MYO16: variants seen among roughly 807,000 people sequenced by gnomAD.
The protein encoded by MYO16 is myosin XVI.
In MYO16, 94 loss-of-function variants were observed where a neutral mutation model predicts 205.3. That is an observed-to-expected ratio of 0.46 (90% CI 0.39 to 0.54). The LOEUF is 0.54. Among genes scored for constraint, MYO16 ranks in the 20% least tolerant of loss-of-function variants. The pLI, the probability that MYO16 is intolerant of heterozygous loss-of-function variation, is 0.00. For synonymous variants in MYO16, 988 were observed against 954.0 expected (o/e 1.04, Z -0.66); for missense variants, 2,315 against 2,387.5 (o/e 0.97, Z 0.63).
intron 4 of MYO16, among the ~76,000 whole-genome samples, chr13:108,765,106 C>A (rs980276998): frequency 3.3e-5 from 5 of 152,144 alleles, no homozygotes; most frequent in Non-Finnish European, 7.4e-5. Context: ...TCTCCCTCTT[C>A]CACACACATA....
chr13:109,177,779 G>A (rs1879275198), intron 33 of MYO16, among the ~76,000 whole-genome samples: 1 of 152,162 alleles, frequency 6.6e-6, no homozygotes, highest in Admixed American at 6.5e-5. Context: ...GCCTCCCAAA[G>A]TACTGGGATT....
At chr13:108,658,282 C>T (rs1327406459) in intron 1 of MYO16, among the ~76,000 whole-genome samples, 1 of 152,018 alleles carries the variant, frequency 6.6e-6, no homozygotes, top group Non-Finnish European at 1.5e-5. Context: ...TTTTCCACTT[C>T]TTCTTGAGTC....
chr13:108,999,998 A>G (rs1885160612), intron 21 of MYO16, among the ~76,000 whole-genome samples: 1 of 152,184 alleles, frequency 6.6e-6, no homozygotes, highest in Admixed American at 6.5e-5. Context: ...TCCGTTTAAT[A>G]TAAATAAGTT....
At chr13:109,057,760 T>G (rs962920906) in intron 27 of MYO16, among the ~76,000 whole-genome samples, 1 of 152,148 alleles carries the variant, frequency 6.6e-6, no homozygotes, top group Non-Finnish European at 1.5e-5. Context: ...AAACAATAGA[T>G]TCCCCAAATT....
intron 4 of MYO16, among the ~76,000 whole-genome samples, chr13:108,736,612 T>C (rs915358074): frequency 7.9e-5 from 12 of 152,196 alleles, no homozygotes; most frequent in African/African-American, 2.9e-4. Flanking sequence ...CTTAGGATTG[T>C]CTTGGCAATG....
chr13:108,796,231 T>G (rs946640987), intron 6 of MYO16, among the ~76,000 whole-genome samples: 4 of 152,162 alleles, frequency 2.6e-5, no homozygotes, highest in Non-Finnish European at 4.4e-5. Flanking sequence ...TCACCTACCC[T>G]GGCTGTTGTG....
intron 1 of MYO16, among the ~76,000 whole-genome samples, chr13:108,600,761 T>C (rs1057309832): frequency 1.3e-5 from 2 of 152,174 alleles, no homozygotes; most frequent in Non-Finnish European, 2.9e-5. Context: ...CATTTTATGG[T>C]TGCTTTTGCA....
At chr13:108,805,489 C>G (rs983906319) in intron 6 of MYO16, among the ~76,000 whole-genome samples, 1 of 152,008 alleles carries the variant, frequency 6.6e-6, no homozygotes, top group African/African-American at 2.4e-5. Flanking sequence ...CACAATGGAA[C>G]AGAGCTACAA....
At chr13:108,733,518 T>G (rs915957709) in intron 4 of MYO16, among the ~76,000 whole-genome samples, 1 of 152,208 alleles carries the variant, frequency 6.6e-6, no homozygotes, top group African/African-American at 2.4e-5. Context: ...TCTGATCTGG[T>G]GCTATATTGC....
At chr13:108,826,620 T>C (rs951461178) in intron 9 of MYO16, among the ~76,000 whole-genome samples, 3 of 151,652 alleles carry the variant, frequency 2.0e-5, no homozygotes, top group Non-Finnish European at 1.5e-5. Context: ...AGACACACAA[T>C]GGGAGAAAAT....
intron 4 of MYO16, among the ~76,000 whole-genome samples, chr13:108,762,874 A>C (rs571845716): frequency 4.6e-5 from 7 of 152,266 alleles, no homozygotes; most frequent in African/African-American, 1.7e-4. Flanking sequence ...TGGTCTTTGC[A>C]TTCTGAGGGG....
intron 2 of MYO16, among the ~76,000 whole-genome samples, chr13:108,705,190 T>C (rs1394293516): frequency 6.6e-6 from 1 of 152,222 alleles, no homozygotes; most frequent in East Asian, 1.9e-4. Flanking sequence ...CCATTCCATC[T>C]GGGACATGAA....
chr13:108,625,808 C>T (rs933002956), upstream of MYO16, among the ~76,000 whole-genome samples: 4 of 152,170 alleles, frequency 2.6e-5, no homozygotes, highest in Admixed American at 1.3e-4. Context: ...ACGTACCTTT[C>T]CCAAATTGGT....
At chr13:109,058,155 G>A (rs559174968) in intron 27 of MYO16, among the ~76,000 whole-genome samples, 32 of 152,182 alleles carry the variant, frequency 2.1e-4, no homozygotes, top group African/African-American at 7.0e-4. Context: ...CCATGTGAAC[G>A]GCACTTTGAG....
At chr13:109,023,712 C>A (rs1178126768) in intron 23 of MYO16, among the ~76,000 whole-genome samples, 2 of 127,914 alleles carry the variant, frequency 1.6e-5, no homozygotes, top group Non-Finnish European at 3.1e-5. Flanking sequence ...TGTATATATA[C>A]AAATATATGT....
intron 20 of MYO16, among the ~76,000 whole-genome samples, chr13:108,971,493 T>TATTC (rs56842540): frequency 0.03 from 4,515 of 151,282 alleles, 200 homozygotes; most frequent in African/African-American, 0.098. Flanking sequence ...AGTATACTTT[T>TATTC]ATTCATTCAT....
At chr13:108,694,462 T>G (rs1433389129) in intron 2 of MYO16, among the ~76,000 whole-genome samples, 1 of 152,182 alleles carries the variant, frequency 6.6e-6, no homozygotes, top group Non-Finnish European at 1.5e-5. Flanking sequence ...TTTAAAAAAT[T>G]TATTTATTAT....
chr13:108,940,219 C>T (rs1422113949), intron 16 of MYO16, among the ~76,000 whole-genome samples: 1 of 152,110 alleles, frequency 6.6e-6, no homozygotes, highest in African/African-American at 2.4e-5. Flanking sequence ...ATTCAGATAT[C>T]ACATTGAGTA....
chr13:109,131,893 C>T (rs542601549), intron 31 of MYO16, among the ~76,000 whole-genome samples: 7 of 152,218 alleles, frequency 4.6e-5, no homozygotes, highest in African/African-American at 1.2e-4. Flanking sequence ...GCATTTCATG[C>T]GTGTGACTTT....
Sources: gnomAD v4.1 joint callset for allele counts (sites outside exome capture counted in the v4.1 genomes callset) on GRCh38, gnomAD v4.1.1 for gene constraint, MANE v1.5 for transcripts, NCBI Gene and HGNC (gene_info 2026-07-23, HGNC 2026-07-21) for gene names.